Variants in UQCC1 observed in about 807,000 individuals in gnomAD.
The protein encoded by UQCC1 is ubiquinol-cytochrome c reductase complex assembly factor 1, also known as bFGF-repressed Zic-binding protein.
UQCC1 carries 38 observed loss-of-function variants against 48.0 expected under a neutral mutation model. The observed-to-expected ratio is 0.79, with a 90% CI of 0.61 to 1.04. UQCC1 has a LOEUF of 1.04. Ranked by LOEUF, UQCC1 falls within the 50% of genes least tolerant of loss-of-function variation. The pLI, the probability that UQCC1 is intolerant of heterozygous loss-of-function variation, is 0.00. For synonymous variants in UQCC1, 111 were observed against 129.2 expected, an observed-to-expected ratio of 0.86 and a Z score of 0.95; for missense variants, 368 against 381.8, an observed-to-expected ratio of 0.96 and a Z score of 0.30.
At chr20:35,384,245 T>G in intron 2 of UQCC1, 112 bp from the exon 3 acceptor site, 1 of 915,026 alleles carries the variant, frequency 1.1e-6, no homozygotes, top group Non-Finnish European at 1.7e-6. Context: ...CTTAGCCCAC[T>G]TCCCCGTGAT....
At chr20:35,326,383 A>T (rs2061193919) in intron 7 of UQCC1, among the ~76,000 whole-genome samples, 1 of 152,264 alleles carries the variant, frequency 6.6e-6, no homozygotes, top group Admixed American at 6.5e-5. Context: ...TGGCAGTGCC[A>T]AGCGCAGACA....
chr20:35,309,653 C>T (rs983372746), intron 8 of UQCC1, among the ~76,000 whole-genome samples: 1 of 152,076 alleles, frequency 6.6e-6, no homozygotes, highest in African/African-American at 2.4e-5. Flanking sequence ...TGTTTTCCCT[C>T]GTGACACAAT....
intron 7 of UQCC1, among the ~76,000 whole-genome samples, chr20:35,333,664 T>C (rs1224942089): frequency 1.3e-5 from 2 of 152,222 alleles, no homozygotes; most frequent in African/African-American, 4.8e-5. Flanking sequence ...TCCAGAGTCC[T>C]GCTGCCCCCT....
At chr20:35,391,725 T>TA (rs375718160) in intron 2 of UQCC1, among the ~76,000 whole-genome samples, 81,335 of 148,376 alleles carry the variant, frequency 0.55, 22,830 homozygotes, top group East Asian at 0.71. Flanking sequence ...AGGACATTCA[T>TA]AAAAAAAAAA....
In UQCC1 at chr20:35,370,115, G is replaced by A. The variant is rs146189554; in HGVS notation, c.407-3501C>T. Among the ~76,000 whole-genome samples the A allele has an allele frequency of 2.0e-4, 31 of 152,308 alleles. No homozygotes were observed. In the East Asian group the frequency reaches 5.4e-3, roughly 27 times the overall value. ...CAAAATATCTAAGAAACAGCGGGCTGCTGAATTCTCAGGACTCCAAAAGTT... is the reference window on the plus strand; with the variant it reads ...CAAAATATCTAAGAAACAGCGGGCTACTGAATTCTCAGGACTCCAAAAGTT... On this transcript the variant is annotated intron_variant, in intron 5 of 9. Transcript: ENST00000374385.
At chr20:35,404,656 T>C (rs1034231813) in intron 1 of UQCC1, among the ~76,000 whole-genome samples, 4 of 122,772 alleles carry the variant, frequency 3.3e-5, no homozygotes, top group Admixed American at 8.7e-5. Flanking sequence ...CCCTAGAACT[T>C]AAAGTATAAA....
At chr20:35,325,114 A>G (rs2061177923) in intron 7 of UQCC1, among the ~76,000 whole-genome samples, 1 of 152,248 alleles carries the variant, frequency 6.6e-6, no homozygotes, top group Non-Finnish European at 1.5e-5. Context: ...CAAATATTGT[A>G]TAATTTGATT....
intron 1 of UQCC1, among the ~76,000 whole-genome samples, chr20:35,400,661 A>G (rs1249968297): frequency 6.6e-6 from 1 of 151,734 alleles, no homozygotes; most frequent in Non-Finnish European, 1.5e-5. Flanking sequence ...TCGCCTGGCT[A>G]ATTTTTTGTA....
At chr20:35,338,856 G>GAAAAAAAAAA (rs1172467457) in intron 7 of UQCC1, among the ~76,000 whole-genome samples, 1 of 26,848 alleles carries the variant, frequency 3.7e-5, no homozygotes. Flanking sequence ...CGTCTCAAAA[G>GAAAAAAAAAA]AAAAAAAAAA....
chr20:35,392,292 G>T (rs1395181199), intron 2 of UQCC1: 1 of 1,304,218 alleles, frequency 7.7e-7, no homozygotes, highest in African/African-American at 1.5e-5. Flanking sequence ...AAGATAGGAA[G>T]ATACTCCAGT....
At chr20:35,326,197 C>T (rs2061191780) in intron 7 of UQCC1, among the ~76,000 whole-genome samples, 1 of 152,040 alleles carries the variant, frequency 6.6e-6, no homozygotes, top group Non-Finnish European at 1.5e-5. Flanking sequence ...GGCATGCTTT[C>T]AAGAGAAATG....
At chr20:35,368,532 T>C (rs187049359) in intron 5 of UQCC1, among the ~76,000 whole-genome samples, 1 of 152,242 alleles carries the variant, frequency 6.6e-6, no homozygotes, top group African/African-American at 2.4e-5. Context: ...CTAATACCAC[T>C]ATCAGAAACT....
intron 2 of UQCC1, among the ~76,000 whole-genome samples, chr20:35,387,635 G>T (rs1600999486): frequency 6.6e-6 from 1 of 152,058 alleles, no homozygotes; most frequent in Admixed American, 6.6e-5. Flanking sequence ...AGGCTGTTTA[G>T]CTTGGAGAAA....
chr20:35,306,866 C>T (rs1329165368), intron 8 of UQCC1, 87 bp from the exon 9 acceptor site: 16 of 1,075,400 alleles, frequency 1.5e-5, no homozygotes, highest in South Asian at 2.5e-5. Flanking sequence ...ATGCTAGCAA[C>T]CATGGAATCA....
chr20:35,406,348 T>C (rs986823974), intron 1 of UQCC1, among the ~76,000 whole-genome samples: 2 of 152,202 alleles, frequency 1.3e-5, no homozygotes, highest in African/African-American at 4.8e-5. Flanking sequence ...ATTCTTTAAA[T>C]GAGCAAGAGA....
At chr20:35,406,316 T>C (rs1273955012) in intron 1 of UQCC1, among the ~76,000 whole-genome samples, 1 of 152,206 alleles carries the variant, frequency 6.6e-6, no homozygotes, top group Admixed American at 6.5e-5. Flanking sequence ...ACACATCATA[T>C]GCAAGCTGCC....
chr20:35,411,674 A>G (rs973376173), intron 1 of UQCC1, among the ~76,000 whole-genome samples: 18 of 152,168 alleles, frequency 1.2e-4, no homozygotes, highest in African/African-American at 4.1e-4. Context: ...GGAAGCAGGT[A>G]CATGGGGGAG....
At chr20:35,403,530 C>A (rs2062200304) in intron 1 of UQCC1, among the ~76,000 whole-genome samples, 1 of 152,122 alleles carries the variant, frequency 6.6e-6, no homozygotes, top group Admixed American at 6.6e-5. Flanking sequence ...TTACAAAGAA[C>A]TGGCATTATT....
chr20:35,333,631 A>T (rs2061282454), intron 7 of UQCC1, among the ~76,000 whole-genome samples: 1 of 152,196 alleles, frequency 6.6e-6, no homozygotes, highest in African/African-American at 2.4e-5. Flanking sequence ...CTCTCTCTCC[A>T]ACAGGAACAG....
Sources: gnomAD v4.1 joint callset for allele counts (sites outside exome capture counted in the v4.1 genomes callset) on GRCh38, gnomAD v4.1.1 for gene constraint, MANE v1.5 for transcripts, NCBI Gene and HGNC (gene_info 2026-07-23, HGNC 2026-07-21) for gene names.